The following SLC35F4 variants were observed in gnomAD, a reference collection of about 807,000 sequenced individuals.
SLC35F4 encodes chromosome 14 open reading frame 36.
SLC35F4 carries 24 observed loss-of-function variants against 44.2 expected under a neutral mutation model. The observed-to-expected ratio is 0.54, with a 90% CI of 0.39 to 0.76. The LOEUF (loss-of-function observed/expected upper bound fraction) is 0.76. Among genes scored for constraint, SLC35F4 ranks in the 30% least tolerant of loss-of-function variants. The pLI, the probability that SLC35F4 is intolerant of heterozygous loss-of-function variation, is 0.00. For missense variants in SLC35F4, 562 were observed against 586.1 expected, an observed-to-expected ratio of 0.96 and a Z score of 0.42; for synonymous variants, 238 against 223.6, an observed-to-expected ratio of 1.06 and a Z score of -0.57.
At chr14:57,734,692 T>C (rs1462986908) in intron 1 of SLC35F4, among the ~76,000 whole-genome samples, 1 of 152,100 alleles carries the variant, frequency 6.6e-6, no homozygotes, top group Non-Finnish European at 1.5e-5. Context: ...ATAGATAAAA[T>C]ACCAAATTTG....
At chr14:57,600,124 A>G (rs946660190) in intron 1 of SLC35F4, among the ~76,000 whole-genome samples, 1 of 152,218 alleles carries the variant, frequency 6.6e-6, no homozygotes, top group African/African-American at 2.4e-5. Context: ...GTTAGATCAT[A>G]TGATCTCCTA....
intron 1 of SLC35F4, among the ~76,000 whole-genome samples, chr14:57,894,889 C>T (rs1329159841): frequency 6.6e-6 from 1 of 152,106 alleles, no homozygotes; most frequent in Non-Finnish European, 1.5e-5. Context: ...GCATCATCAG[C>T]TAAAGAAAAG....
At chr14:57,682,136 C>A (rs145800548) in intron 1 of SLC35F4, among the ~76,000 whole-genome samples, 1 of 152,086 alleles carries the variant, frequency 6.6e-6, no homozygotes. Context: ...CCAGCAATCC[C>A]GTTACTGGGT....
In SLC35F4 at chr14:57,918,701, C is replaced by T. The variant is rs191499953; in HGVS notation, n.282+63212G>A. The stretch of plus-strand genomic sequence containing the variant: ...TGCAGGAAGTGAATTGGGACCTTGA[C>T]CCACACCTGCTGCTGACTCTTCTAT... On this transcript the variant is annotated intron_variant and non_coding_transcript_variant, in intron 1 of 1. Transcript: ENST00000556568. 2.6e-3 allele frequency among the ~76,000 whole-genome samples: 400 copies of T among 152,286 alleles called. 1 individual carries two copies. The highest frequency in any genetic ancestry group is 9.1e-3 in the African/African-American group (380 of 41,536).
intron 1 of SLC35F4, among the ~76,000 whole-genome samples, chr14:57,779,638 A>T (rs1233509205): frequency 6.6e-6 from 1 of 152,132 alleles, no homozygotes; most frequent in Non-Finnish European, 1.5e-5. Flanking sequence ...AAAAAAATGA[A>T]CTTCAGGCCA....
intron 1 of SLC35F4, among the ~76,000 whole-genome samples, chr14:57,937,216 C>T (rs549273547): frequency 1.6e-4 from 25 of 152,120 alleles, no homozygotes; most frequent in African/African-American, 5.1e-4. Flanking sequence ...TACAGGCATG[C>T]GCCACTACGC....
intron 1 of SLC35F4, among the ~76,000 whole-genome samples, chr14:57,635,998 T>C (rs1288630733): frequency 6.6e-6 from 1 of 152,122 alleles, no homozygotes; most frequent in East Asian, 1.9e-4. Context: ...TTTACTTCCA[T>C]GTGGGGTCTT....
intron 1 of SLC35F4, among the ~76,000 whole-genome samples, chr14:57,824,427 A>G (rs8010997): frequency 0.18 from 27,409 of 152,164 alleles, 2,640 homozygotes; most frequent in Admixed American, 0.28. Flanking sequence ...ATAGATACAT[A>G]CATACATATG....
At chr14:57,932,331 C>A (rs1354209452) in intron 1 of SLC35F4, among the ~76,000 whole-genome samples, 8 of 152,186 alleles carry the variant, frequency 5.3e-5, no homozygotes, top group Non-Finnish European at 1.2e-4. Flanking sequence ...AACATAGACA[C>A]CTGCTTCGAA....
At chr14:57,932,828 T>C (rs1889724692) in intron 1 of SLC35F4, among the ~76,000 whole-genome samples, 1 of 151,724 alleles carries the variant, frequency 6.6e-6, no homozygotes, top group South Asian at 2.1e-4. Flanking sequence ...AAAAAAAAAA[T>C]TTAGTCAAGC....
rs561839836 is a variant in SLC35F4, at chr14:57,890,972, G to C, written n.282+90941C>G. On this transcript the variant is annotated intron_variant and non_coding_transcript_variant, in intron 1 of 1. Transcript: ENST00000556568. ...GATGCAGGAGGAAGGAATATCAGTT[G>C]AAACAGCTTTCTAGGAAAGGCTTGC... Among the ~76,000 whole-genome samples, 2 of 152,280 alleles carry C rather than the reference G, an allele frequency of 1.3e-5. 1 individual carries two copies. The highest frequency in any genetic ancestry group is 4.8e-5 in the African/African-American group (2 of 41,558).
intron 4 of SLC35F4, among the ~76,000 whole-genome samples, chr14:57,579,728 G>A (rs577965263): frequency 6.6e-6 from 1 of 152,264 alleles, no homozygotes; most frequent in East Asian, 1.9e-4. Context: ...TTCGTGCCCT[G>A]TAATATTCTA....
At chr14:57,623,565 T>C (rs1566697939) in intron 1 of SLC35F4, among the ~76,000 whole-genome samples, 1 of 151,930 alleles carries the variant, frequency 6.6e-6, no homozygotes, top group Non-Finnish European at 1.5e-5. Context: ...TGGAAAACAC[T>C]CGTCAGCAAA....
chr14:57,591,695 A>C (rs990336279), intron 2 of SLC35F4, among the ~76,000 whole-genome samples: 2 of 152,198 alleles, frequency 1.3e-5, no homozygotes, highest in Non-Finnish European at 2.9e-5. Flanking sequence ...CCATTCAGGC[A>C]CTGCAAGTTT....
At chr14:57,629,921 C>G in intron 1 of SLC35F4, 1 of 477,784 alleles carries the variant, frequency 2.1e-6, no homozygotes, top group South Asian at 1.6e-5. Flanking sequence ...CTACCAGTAT[C>G]GCTGAACACA....
intron 1 of SLC35F4, among the ~76,000 whole-genome samples, chr14:57,714,284 G>C (rs767499210): frequency 4.3e-4 from 66 of 152,242 alleles, no homozygotes; most frequent in Admixed American, 7.9e-4. Flanking sequence ...CCAGAAAATA[G>C]GAGAGTTTTG....
intron 1 of SLC35F4, among the ~76,000 whole-genome samples, chr14:57,624,803 C>G (rs1400266941): frequency 1.3e-5 from 2 of 152,110 alleles, no homozygotes; most frequent in Non-Finnish European, 2.9e-5. Flanking sequence ...TGGACCATAT[C>G]TCAAAATAAT....
chr14:57,814,636 C>T (rs1674759983), intron 1 of SLC35F4, among the ~76,000 whole-genome samples: 1 of 152,148 alleles, frequency 6.6e-6, no homozygotes, highest in South Asian at 2.1e-4. Context: ...ATAGTTGCTG[C>T]CATGACCCAA....
At chr14:57,914,443 G>T (rs1179318374) in intron 1 of SLC35F4, among the ~76,000 whole-genome samples, 2 of 152,054 alleles carry the variant, frequency 1.3e-5, no homozygotes, top group Non-Finnish European at 2.9e-5. Context: ...GGCGCCTGTA[G>T]TCTCAGCTAC....
Sources: gnomAD v4.1 joint callset for allele counts (sites outside exome capture counted in the v4.1 genomes callset) on GRCh38, gnomAD v4.1.1 for gene constraint, MANE v1.5 for transcripts, NCBI Gene and HGNC (gene_info 2026-07-23, HGNC 2026-07-21) for gene names.